The following PTCHD4 variants were observed in gnomAD, a reference collection of about 807,000 sequenced individuals.
PTCHD4 encodes patched domain containing 4.
PTCHD4 carries 33 observed loss-of-function variants against 58.1 expected under a neutral mutation model. The ratio of observed to expected loss-of-function variants is 0.57; its 90% CI spans 0.43 to 0.76. The LOEUF is 0.76. PTCHD4 is among the 30% of genes least tolerant of loss of function. The pLI is 0.00. For missense variants in PTCHD4, 1,058 were observed against 1,027.1 expected (o/e 1.03, Z -0.41); for synonymous variants, 478 against 409.6 (o/e 1.17, Z -2.02).
chr6:47,976,892 A>C (rs1019960973), intron 4 of PTCHD4, among the ~76,000 whole-genome samples: 38 of 150,968 alleles, frequency 2.5e-4, no homozygotes, highest in African/African-American at 9.4e-4. Flanking sequence ...ATCAGTTATT[A>C]AGATGAAATT....
chr6:47,927,459 C>T (rs1205807214), intron 4 of PTCHD4, among the ~76,000 whole-genome samples: 1 of 152,084 alleles, frequency 6.6e-6, no homozygotes, highest in Non-Finnish European at 1.5e-5. Context: ...GAGCCCTTTG[C>T]CAAACAATAT....
chr6:48,015,152 A>G lies in PTCHD4; in HGVS notation c.418-6038T>C, dbSNP rs144130015. 1.3e-3 allele frequency among the ~76,000 whole-genome samples: 197 copies of G among 151,640 alleles called. 2 individuals are homozygous for G. Among genetic ancestry groups the G allele is most frequent in the African/African-American group, 4.7e-3 (191 of 40,928 alleles). ...TAAAGTAAGAATATGACAAGATGCT[A>G]ACATGCTGTTTTCAATGCTCTCCTA... On this transcript the variant is annotated intron_variant, in intron 3 of 4. Coordinates refer to ENST00000339488, the MANE Select transcript of PTCHD4 (RefSeq NM_001384253.1).
At chr6:48,101,462 C>G (rs966785744) in intron 1 of PTCHD4, among the ~76,000 whole-genome samples, 1 of 152,148 alleles carries the variant, frequency 6.6e-6, no homozygotes, top group East Asian at 1.9e-4. Context: ...CACTTCCTCT[C>G]AGAAATCATC....
intron 3 of PTCHD4, among the ~76,000 whole-genome samples, chr6:48,049,703 T>C (rs1367798182): frequency 3.3e-5 from 5 of 151,980 alleles, no homozygotes; most frequent in Admixed American, 2.0e-4. Context: ...TACTGCCTTG[T>C]AGACTCTCTG....
intron 3 of PTCHD4, among the ~76,000 whole-genome samples, chr6:48,019,344 G>A (rs1404279293): frequency 6.6e-6 from 1 of 151,974 alleles, no homozygotes; most frequent in Admixed American, 6.5e-5. Flanking sequence ...CTATGGTGTG[G>A]GGTGAGGATA....
intron 1 of PTCHD4, among the ~76,000 whole-genome samples, chr6:48,079,579 G>A (rs189832317): frequency 2.3e-4 from 35 of 151,470 alleles, no homozygotes; most frequent in Non-Finnish European, 7.4e-5. Context: ...GCAGTGAGAA[G>A]GGGACTTTGT....
chr6:48,080,344 A>C (rs1582120136), intron 1 of PTCHD4, among the ~76,000 whole-genome samples: 1 of 152,362 alleles, frequency 6.6e-6, no homozygotes, highest in Middle Eastern at 3.4e-3. Context: ...TCCAGAAAAC[A>C]TATAGACTGT....
intron 4 of PTCHD4, among the ~76,000 whole-genome samples, chr6:47,922,457 C>A (rs964511276): frequency 1.3e-5 from 2 of 152,176 alleles, no homozygotes; most frequent in Non-Finnish European, 2.9e-5. Flanking sequence ...GCCCAACTGG[C>A]TCCTTCGTGG....
chr6:48,019,407 A>AG (rs1435286454), intron 3 of PTCHD4, among the ~76,000 whole-genome samples: 1 of 152,160 alleles, frequency 6.6e-6, no homozygotes, highest in Non-Finnish European at 1.5e-5. Context: ...GTGTGGGGTC[A>AG]GGGAAAGATA....
intron 3 of PTCHD4, among the ~76,000 whole-genome samples, chr6:48,051,340 T>A (rs1280714172): frequency 6.6e-6 from 1 of 152,016 alleles, no homozygotes; most frequent in Non-Finnish European, 1.5e-5. Context: ...GCTCAACATC[T>A]TAGCTATAGT....
intron 3 of PTCHD4, among the ~76,000 whole-genome samples, chr6:48,058,839 C>T (rs907332882): frequency 1.4e-4 from 21 of 152,170 alleles, no homozygotes; most frequent in African/African-American, 5.1e-4. Context: ...GCAGGCAGCT[C>T]CAGTTCTTCA....
chr6:48,039,087 A>T (rs1222857814), intron 3 of PTCHD4, among the ~76,000 whole-genome samples: 1 of 152,152 alleles, frequency 6.6e-6, no homozygotes, highest in Admixed American at 6.6e-5. Context: ...GCACTTGGAG[A>T]CAGGCACAAA....
intron 4 of PTCHD4, among the ~76,000 whole-genome samples, chr6:47,940,989 CT>C (rs998484092): frequency 2.4e-4 from 37 of 152,058 alleles, no homozygotes; most frequent in Admixed American, 2.4e-3. Context: ...ACTTCCAGAC[CT>C]TTTATTACTT....
intron 4 of PTCHD4, among the ~76,000 whole-genome samples, chr6:47,935,311 G>A (rs534631367): frequency 6.6e-6 from 1 of 152,252 alleles, no homozygotes; most frequent in African/African-American, 2.4e-5. Context: ...TGTATTTAGA[G>A]GTGTGTTCTT....
chr6:47,925,511 C>G (rs796251927), intron 4 of PTCHD4, among the ~76,000 whole-genome samples: 3 of 152,250 alleles, frequency 2.0e-5, no homozygotes, highest in African/African-American at 7.2e-5. Context: ...AAGAGTGGCA[C>G]CAACTCATGC....
chr6:48,055,624 A>G (rs1450410401), intron 3 of PTCHD4, among the ~76,000 whole-genome samples: 1 of 152,220 alleles, frequency 6.6e-6, no homozygotes, highest in Non-Finnish European at 1.5e-5. Context: ...TGAAAGAATG[A>G]AATGAAAATA....
chr6:47,944,862 A>G (rs896944601), intron 4 of PTCHD4, among the ~76,000 whole-genome samples: 2 of 152,156 alleles, frequency 1.3e-5, no homozygotes, highest in Non-Finnish European at 2.9e-5. Context: ...GTGGTTTAGT[A>G]GGTGAAGAGA....
intron 3 of PTCHD4, among the ~76,000 whole-genome samples, chr6:48,018,735 T>TA (rs1240720453): frequency 2.6e-5 from 4 of 152,362 alleles, no homozygotes; most frequent in South Asian, 2.1e-4. Context: ...TTACTATTCT[T>TA]ACATGAATGA....
At chr6:48,106,261 G>C (rs1765720651) in intron 1 of PTCHD4, among the ~76,000 whole-genome samples, 1 of 152,172 alleles carries the variant, frequency 6.6e-6, no homozygotes, top group Non-Finnish European at 1.5e-5. Flanking sequence ...CCATGATCAA[G>C]TGGGCTTCAT....
Sources: allele counts gnomAD v4.1 joint callset (sites outside exome capture counted in the v4.1 genomes callset), GRCh38; gene constraint gnomAD v4.1.1; transcripts MANE v1.5; gene names NCBI Gene and HGNC (gene_info 2026-07-23, HGNC 2026-07-21).